Variants in NALF1 observed in about 807,000 individuals in gnomAD.
NALF1 encodes the protein NALCN channel auxiliary factor 1.
NALF1 carries 3 observed loss-of-function variants against 48.4 expected under a neutral mutation model. That is an observed-to-expected ratio of 0.06 (90% CI 0.03 to 0.16). The LOEUF (loss-of-function observed/expected upper bound fraction) is 0.16, where lower values mean the gene tolerates loss of function less well. NALF1 is among the 10% of genes least tolerant of loss of function. The probability of loss-of-function intolerance (pLI) is 1.00; values close to 1 mark genes in which losing one functional copy is unlikely to be tolerated. For missense variants in NALF1, 526 were observed against 571.5 expected, an observed-to-expected ratio of 0.92 and a Z score of 0.81; for synonymous variants, 262 against 245.7, an observed-to-expected ratio of 1.07 and a Z score of -0.62.
intron 1 of NALF1, among the ~76,000 whole-genome samples, chr13:107,833,077 T>C (rs1023270567): frequency 3.5e-4 from 53 of 152,194 alleles, no homozygotes; most frequent in African/African-American, 1.3e-3. Context: ...TCCTAGCTAA[T>C]GGTACCCGCC....
chr13:107,817,933 G>A lies in NALF1; in HGVS notation c.915+47749C>T, dbSNP rs77741808. On this transcript the variant is annotated intron_variant, in intron 1 of 2. Transcript: ENST00000375915. ...TCCATCCACCTGAAAAAGATTTATT[G>A]TTAGATGCCTGTTAAGATTTATGAA... 0.022 allele frequency among the ~76,000 whole-genome samples: 3,395 copies of A among 152,244 alleles called. 212 individuals carry two copies. In the East Asian group the frequency reaches 0.24, roughly 11 times the overall value.
intron 1 of NALF1, among the ~76,000 whole-genome samples, chr13:107,567,873 G>C (rs773190144): frequency 6.6e-6 from 1 of 152,100 alleles, no homozygotes. Flanking sequence ...ATGAAACTAC[G>C]TGATTTGTAT....
At chr13:107,752,540 A>T (rs1876969901) in intron 1 of NALF1, among the ~76,000 whole-genome samples, 1 of 152,182 alleles carries the variant, frequency 6.6e-6, no homozygotes, top group Non-Finnish European at 1.5e-5. Flanking sequence ...CAGCAAATTA[A>T]AAAGGGAGGA....
At chr13:107,594,683 T>C (rs74998948) in intron 1 of NALF1, among the ~76,000 whole-genome samples, 4,955 of 152,184 alleles carry the variant, frequency 0.033, 188 homozygotes, top group African/African-American at 0.098. Context: ...GTTTAAAGCA[T>C]AAAACCTCTT....
At chr13:107,452,475 C>T (rs1383585048) in intron 1 of NALF1, among the ~76,000 whole-genome samples, 2 of 152,126 alleles carry the variant, frequency 1.3e-5, no homozygotes, top group South Asian at 4.1e-4. Context: ...ACCATCAGAT[C>T]TCATGAGAAC....
At chr13:107,720,862 G>C (rs116979261) in intron 1 of NALF1, among the ~76,000 whole-genome samples, 1,782 of 152,234 alleles carry the variant, frequency 0.012, 15 homozygotes, top group Non-Finnish European at 0.018. Context: ...TACGCCAAAG[G>C]TTGCATATAT....
At chr13:107,782,200 C>T (rs914465525) in intron 1 of NALF1, among the ~76,000 whole-genome samples, 1 of 152,216 alleles carries the variant, frequency 6.6e-6, no homozygotes, top group African/African-American at 2.4e-5. Context: ...ATTGCAGGCG[C>T]GTGCCGCCAC....
chr13:107,783,435 G>C (rs999744826), intron 1 of NALF1, among the ~76,000 whole-genome samples: 1 of 152,192 alleles, frequency 6.6e-6, no homozygotes, highest in African/African-American at 2.4e-5. Flanking sequence ...GGAAAGGCAG[G>C]GAAAGGATTG....
intron 1 of NALF1, among the ~76,000 whole-genome samples, chr13:107,340,481 CTTTCTTTT>C (rs1185128862): frequency 9.3e-5 from 5 of 53,480 alleles, no homozygotes; most frequent in South Asian, 1.5e-3. Context: ...CTCTTTCTTT[CTTTCTTTT>C]TGTCTTTCTT....
At chr13:107,761,093 C>T (rs527245109) in intron 1 of NALF1, among the ~76,000 whole-genome samples, 22 of 152,280 alleles carry the variant, frequency 1.4e-4, no homozygotes, top group African/African-American at 5.3e-4. Context: ...TGGCTGAAAT[C>T]ACACTTGTAA....
chr13:107,711,575 T>C (rs1875593503), intron 1 of NALF1, among the ~76,000 whole-genome samples: 1 of 152,170 alleles, frequency 6.6e-6, no homozygotes, highest in Non-Finnish European at 1.5e-5. Context: ...CTCTTTAACC[T>C]AGTATAAAGT....
At chr13:107,828,705 CTT>C (rs1265365963) in intron 1 of NALF1, among the ~76,000 whole-genome samples, 1 of 151,724 alleles carries the variant, frequency 6.6e-6, no homozygotes, top group African/African-American at 2.4e-5. Context: ...TGCAGTATCT[CTT>C]TTCAGAGAAG....
At chr13:107,193,879 A>G (rs1427481106) in intron 2 of NALF1, among the ~76,000 whole-genome samples, 1 of 150,626 alleles carries the variant, frequency 6.6e-6, no homozygotes, top group Admixed American at 6.7e-5. Flanking sequence ...AGAGAGCTAA[A>G]GCTAGAGTTG....
At chr13:107,851,185 G>T (rs1046840258) in intron 1 of NALF1, among the ~76,000 whole-genome samples, 1 of 152,092 alleles carries the variant, frequency 6.6e-6, no homozygotes, top group Non-Finnish European at 1.5e-5. Flanking sequence ...ATTTTTTACC[G>T]GACATGGTAA....
At chr13:107,331,234 T>A (rs1882462381) in intron 1 of NALF1, among the ~76,000 whole-genome samples, 1 of 152,228 alleles carries the variant, frequency 6.6e-6, no homozygotes, top group Admixed American at 6.5e-5. Context: ...TTAACTTTTT[T>A]TCTGGTACGG....
At chr13:107,393,688 CGCCA>C (rs1214954580) in intron 1 of NALF1, among the ~76,000 whole-genome samples, 4 of 151,968 alleles carry the variant, frequency 2.6e-5, no homozygotes, top group Non-Finnish European at 4.4e-5. Context: ...TGTTTATGTC[CGCCA>C]GCCATCATTA....
chr13:107,170,968 T>C (rs552795384), intron 2 of NALF1, among the ~76,000 whole-genome samples, 182 bp from the exon 3 acceptor site: 99 of 152,314 alleles, frequency 6.5e-4, no homozygotes, highest in Admixed American at 1.1e-3. Context: ...ACCAGTATTG[T>C]TAGATTCCTC....
intron 1 of NALF1, among the ~76,000 whole-genome samples, chr13:107,559,532 T>A (rs1356231849): frequency 6.6e-6 from 1 of 152,170 alleles, no homozygotes; most frequent in Admixed American, 6.5e-5. Flanking sequence ...GGGAACCAGC[T>A]CAGGCTGAGG....
chr13:107,670,063 AC>A (rs1468533565), intron 1 of NALF1, among the ~76,000 whole-genome samples: 1 of 152,052 alleles, frequency 6.6e-6, no homozygotes, highest in Admixed American at 6.6e-5. Context: ...TTCACCATCT[AC>A]TGTTGCAGTG....
Sources: gnomAD v4.1 joint callset for allele counts (sites outside exome capture counted in the v4.1 genomes callset) on GRCh38, gnomAD v4.1.1 for gene constraint, MANE v1.5 for transcripts, NCBI Gene and HGNC (gene_info 2026-07-23, HGNC 2026-07-21) for gene names.